Variants in GMDS observed in about 807,000 individuals in gnomAD.
GMDS encodes GDP-mannose 4,6 dehydratase.
GMDS carries 20 observed loss-of-function variants against 49.9 expected under a neutral mutation model. The ratio of observed to expected loss-of-function variants is 0.40; its 90% CI spans 0.28 to 0.58. The LOEUF (loss-of-function observed/expected upper bound fraction) is 0.58. Ranked by LOEUF, GMDS falls within the 20% of genes least tolerant of loss-of-function variation. The probability of loss-of-function intolerance (pLI) is 0.42; values close to 1 mark genes in which losing one functional copy is unlikely to be tolerated. For synonymous variants in GMDS, 177 were observed against 178.6 expected, an observed-to-expected ratio of 0.99 and a Z score of 0.07; for missense variants, 362 against 481.4, an observed-to-expected ratio of 0.75 and a Z score of 2.32.
intron 7 of GMDS, among the ~76,000 whole-genome samples, chr6:1,919,213 A>T (rs949496129): frequency 6.6e-6 from 1 of 152,238 alleles, no homozygotes; most frequent in Non-Finnish European, 1.5e-5. Context: ...AGAGACCGAC[A>T]TGAGATAGCT....
intron 7 of GMDS, among the ~76,000 whole-genome samples, chr6:1,812,761 A>G (rs1770492176): frequency 1.3e-5 from 2 of 152,334 alleles, no homozygotes; most frequent in Non-Finnish European, 2.9e-5. Flanking sequence ...CTCATTGAAG[A>G]GGAGGTAGAT....
rs564830131 is a variant in GMDS, at chr6:1,990,635, C to A, written c.346-29669G>T. ...TGTCACCTAGGCTCCAGTGCAGTGA[C>A]ACAACCTCGGCTCATTCTAATCTCC... On this transcript the variant is annotated intron_variant, in intron 4 of 10. Coordinates refer to ENST00000380815, the MANE Select transcript of GMDS (RefSeq NM_001500.4). Among the ~76,000 whole-genome samples, 12 of 152,220 alleles carry A rather than the reference C, an allele frequency of 7.9e-5. 1 individual carries two copies. The South Asian group carries it at 2.1e-3, about 26-fold the overall frequency.
chr6:1,926,141 G>A (rs1761994039), intron 7 of GMDS, among the ~76,000 whole-genome samples: 1 of 152,128 alleles, frequency 6.6e-6, no homozygotes, highest in Non-Finnish European at 1.5e-5. Flanking sequence ...ATAAAACCTT[G>A]CACTCATTCT....
At chr6:1,673,107 G>C (rs1764480161) in intron 9 of GMDS, among the ~76,000 whole-genome samples, 1 of 152,190 alleles carries the variant, frequency 6.6e-6, no homozygotes, top group Non-Finnish European at 1.5e-5. Flanking sequence ...AAAGAGATGA[G>C]GTTTAAGATC....
intron 1 of GMDS, among the ~76,000 whole-genome samples, chr6:2,220,014 G>A (rs12194492): frequency 0.022 from 3,324 of 152,268 alleles, 36 homozygotes; most frequent in African/African-American, 0.038. Context: ...AGTGCCCAGA[G>A]ACAACATGTT....
chr6:1,737,225 C>CCA (rs1173291045), intron 8 of GMDS, among the ~76,000 whole-genome samples: 1 of 152,012 alleles, frequency 6.6e-6, no homozygotes, highest in Non-Finnish European at 1.5e-5. Context: ...GAAACATTAC[C>CCA]CACCTCCCAC....
intron 9 of GMDS, among the ~76,000 whole-genome samples, chr6:1,625,655 G>C (rs1194275085): frequency 6.6e-6 from 1 of 152,300 alleles, no homozygotes; most frequent in East Asian, 1.9e-4. Flanking sequence ...TGAAGGTTGA[G>C]ATGAGAATTT....
chr6:2,173,758 G>A (rs777104443), intron 1 of GMDS, among the ~76,000 whole-genome samples: 2 of 152,152 alleles, frequency 1.3e-5, no homozygotes, highest in Non-Finnish European at 2.9e-5. Context: ...TTTTATAAGT[G>A]CAATAAGCCC....
intron 1 of GMDS, among the ~76,000 whole-genome samples, chr6:2,198,426 C>T (rs1779367405): frequency 6.6e-6 from 1 of 152,008 alleles, no homozygotes; most frequent in Non-Finnish European, 1.5e-5. Flanking sequence ...ACCAATGTAC[C>T]TTGTGTCCCC....
chr6:2,171,009 A>T (rs2127554407), intron 1 of GMDS, among the ~76,000 whole-genome samples: 1 of 152,298 alleles, frequency 6.6e-6, no homozygotes, highest in South Asian at 2.1e-4. Context: ...AGAAAAAAAA[A>T]ATACTCTAAA....
At chr6:2,081,286 A>G (rs1459936034) in intron 4 of GMDS, among the ~76,000 whole-genome samples, 1 of 152,202 alleles carries the variant, frequency 6.6e-6, no homozygotes, top group Non-Finnish European at 1.5e-5. Context: ...CTACACACAA[A>G]GAGTCTGCAC....
intron 4 of GMDS, among the ~76,000 whole-genome samples, chr6:2,077,426 AT>A (rs1288622862): frequency 1.3e-5 from 2 of 152,128 alleles, no homozygotes; most frequent in Non-Finnish European, 1.5e-5. Flanking sequence ...TTTGCCATAT[AT>A]GTCCTTTATG....
At chr6:1,659,963 C>A (rs1349752663) in intron 9 of GMDS, among the ~76,000 whole-genome samples, 1 of 151,886 alleles carries the variant, frequency 6.6e-6, no homozygotes, top group Non-Finnish European at 1.5e-5. Context: ...TAAACCTGGG[C>A]TCCCTGTGGT....
At chr6:2,025,915 T>C (rs1208011233) in intron 4 of GMDS, among the ~76,000 whole-genome samples, 1 of 152,172 alleles carries the variant, frequency 6.6e-6, no homozygotes, top group Non-Finnish European at 1.5e-5. Flanking sequence ...TGTCTGCCTT[T>C]CTCTAAGATG....
rs1429554320 is a variant in GMDS at position 1,640,918 on chromosome 6, T to C, written c.988-16378A>G. 1.3e-5 allele frequency among the ~76,000 whole-genome samples: 2 copies of C among 152,194 alleles called. No homozygotes were observed. Among genetic ancestry groups the C allele is most frequent in the East Asian group, 1.9e-4 (1 of 5,190 alleles). ...TTGAGGTGGAGGGAGCAGGCTGGGCTAGGGCCCTGAAGGGCCGGCTGGTTA... is the reference window on the plus strand; with the variant it reads ...TTGAGGTGGAGGGAGCAGGCTGGGCCAGGGCCCTGAAGGGCCGGCTGGTTA... On this transcript the variant is annotated intron_variant, in intron 9 of 10. Coordinates refer to ENST00000380815, the MANE Select transcript of GMDS (RefSeq NM_001500.4). The surrounding 1 kb of genome is among the most constrained non-coding windows in gnomAD (Gnocchi z 4.0).
intron 1 of GMDS, among the ~76,000 whole-genome samples, chr6:2,146,087 T>C (rs1373170178): frequency 1.3e-5 from 2 of 152,164 alleles, no homozygotes; most frequent in African/African-American, 2.4e-5. Context: ...GAAATGCAAG[T>C]TAAAACCACA....
chr6:1,929,994 A>C, intron 7 of GMDS, 109 bp downstream of exon 7: 1 of 977,218 alleles, frequency 1.0e-6, no homozygotes. Flanking sequence ...CTGCCTTGGC[A>C]AAGGTTTGTA....
At chr6:1,738,194 T>TAC (rs140936162) in intron 8 of GMDS, among the ~76,000 whole-genome samples, 6 of 147,814 alleles carry the variant, frequency 4.1e-5, no homozygotes, top group African/African-American at 1.5e-4. Context: ...TATACACACA[T>TAC]ACACACACAC....
At chr6:2,038,521 T>C (rs1319879575) in intron 4 of GMDS, among the ~76,000 whole-genome samples, 1 of 152,226 alleles carries the variant, frequency 6.6e-6, no homozygotes, top group Non-Finnish European at 1.5e-5. Flanking sequence ...AGACCCATTC[T>C]TTGATATGTC....
Sources: gnomAD v4.1 joint callset for allele counts (sites outside exome capture counted in the v4.1 genomes callset) on GRCh38, gnomAD v4.1.1 for gene constraint, Gnocchi (gnomAD v3.1) non-coding constraint, MANE v1.5 for transcripts, NCBI Gene and HGNC (gene_info 2026-07-23, HGNC 2026-07-21) for gene names.